Variants in EVC observed in about 807,000 individuals in gnomAD.
EVC encodes EvC ciliary complex subunit 1.
In EVC, 116 loss-of-function variants were observed where a neutral mutation model predicts 118.9. The ratio of observed to expected loss-of-function variants is 0.98; its 90% CI spans 0.84 to 1.14. EVC has a LOEUF of 1.14. Ranked by LOEUF, EVC falls within the 50% of genes most tolerant of loss-of-function variation. The pLI, the probability that EVC is intolerant of heterozygous loss-of-function variation, is 0.00. For missense variants in EVC, 1,401 were observed against 1,246.4 expected (o/e 1.12, Z -1.87); for synonymous variants, 619 against 534.7 (o/e 1.16, Z -2.18).
chr4:5,821,962 G>A, the EVC span: 1 of 845,480 alleles, frequency 1.2e-6, no homozygotes, highest in Non-Finnish European at 1.7e-6. The surrounding 1 kb of genome is among the most constrained non-coding windows in gnomAD (Gnocchi z 4.4). Context: ...CCTTCATTCA[G>A]GGCTCAGTCC....
intron 18 of EVC, 102 bp from the exon 19 acceptor site, chr4:5,809,416 T>C: frequency 1.9e-6 from 2 of 1,026,790 alleles, no homozygotes; most frequent in Non-Finnish European, 3.1e-6. Context: ...AGACGTGGTC[T>C]TCAGTGGCCA....
chr4:5,828,955 G>C, the EVC span, among the ~76,000 whole-genome samples: 1 of 152,058 alleles, frequency 6.6e-6, no homozygotes, highest in Admixed American at 6.5e-5. Context: ...ATGCAATGTG[G>C]CTGCTTTGAC....
At chr4:5,799,833 T>G (rs1372042647) in intron 15 of EVC, among the ~76,000 whole-genome samples, 1 of 152,170 alleles carries the variant, frequency 6.6e-6, no homozygotes, top group Non-Finnish European at 1.5e-5. Context: ...CACATCTGCC[T>G]CAGATTATCC....
Position 5,804,899 on chromosome 4 carries a change from A to G in EVC, c.2561+58A>G, listed in dbSNP as rs1395670377. On this transcript the variant is annotated intron_variant, in intron 17 of 20. Transcript: ENST00000264956. ...GTTCTCTACCCCATTCACATGGCAT[A>G]TCTCTCTGTGGTGCCGTCAGCAGGT... 6.9e-6 allele frequency: 10 copies of G among 1,445,944 alleles called. No individual in the cohort carries two copies. The Admixed American group carries it at 1.3e-4, about 19-fold the overall frequency. The allele number at this position is 1,445,944 out of a possible 1,614,324, so 89.6% of individuals were successfully genotyped here. A position where few individuals can be genotyped will look rare whatever the true frequency, so the allele number is the denominator to read the frequency against.
chr4:5,773,126 A>G (rs1734236133), intron 11 of EVC, among the ~76,000 whole-genome samples: 1 of 152,162 alleles, frequency 6.6e-6, no homozygotes, highest in Non-Finnish European at 1.5e-5. Flanking sequence ...GCCAGGAGAC[A>G]TTTGCAAAAT....
chr4:5,828,625 G>A, the EVC span: 123 of 1,614,222 alleles, frequency 7.6e-5, no homozygotes, highest in African/African-American at 1.4e-3. Flanking sequence ...CACTAGTGGG[G>A]AGCCGTGGCA....
Position 5,755,025 on chromosome 4 carries a change from C to G in EVC, c.1464+1092C>G, listed in dbSNP as rs984954008. ...GCAGTGAGAAGCCAATGGAGGGGTC[C>G]CCCGAGAACAGAGGACAGGCCTCTA... On this transcript the variant is annotated intron_variant, in intron 10 of 20. Coordinates refer to ENST00000264956, the MANE Select transcript of EVC (RefSeq NM_153717.3). The surrounding 1 kb of genome is among the most constrained non-coding windows in gnomAD (Gnocchi z 4.1). Among the ~76,000 whole-genome samples the G allele has an allele frequency of 6.6e-6, 1 of 151,990 alleles. No individual in the cohort carries two copies. The highest frequency in any genetic ancestry group is 1.5e-5 in the Non-Finnish European group (1 of 67,992).
At chr4:5,825,605 C>G in the EVC span, 1 of 1,602,934 alleles carries the variant, frequency 6.2e-7, no homozygotes, top group South Asian at 1.1e-5. The surrounding 1 kb of genome is among the most constrained non-coding windows in gnomAD (Gnocchi z 4.4). Flanking sequence ...GTAGCTGGTA[C>G]CTCGTACACA....
intron 11 of EVC, among the ~76,000 whole-genome samples, chr4:5,766,668 T>C: frequency 7.1e-6 from 1 of 140,984 alleles, no homozygotes; most frequent in African/African-American, 2.7e-5. Context: ...CTTCCATCGC[T>C]GATACCCTTT....
chr4:5,794,471 A>G (rs866470157), intron 13 of EVC, among the ~76,000 whole-genome samples: 39 of 150,006 alleles, frequency 2.6e-4, no homozygotes, highest in African/African-American at 9.0e-4. Context: ...CAGTGGTGCA[A>G]TCTTGGCTCA....
At position 5,741,706 on chromosome 4, in the gene EVC, T is replaced by A; in HGVS notation, c.703-10T>A. ...CTTTTCTTTTGTTATCTTTCCTTTC[T>A]TGGCAATAGATGTTTATTCAGATTT... is the stretch of plus-strand genomic sequence containing the variant. On this transcript the variant is annotated splice_polypyrimidine_tract_variant and intron_variant, in intron 5 of 20. Transcript: ENST00000264956. 1 of 1,511,448 alleles carries A rather than the reference T, an allele frequency of 6.6e-7. No individual in the cohort carries two copies. Among genetic ancestry groups the A allele is most frequent in the African/African-American group, 1.4e-5 (1 of 73,128 alleles). 93.6% of individuals were successfully genotyped at this position (1,511,448 alleles called of 1,614,324 possible). A position where few individuals can be genotyped will look rare whatever the true frequency, so the allele number is the denominator to read the frequency against.
intron 5 of EVC, among the ~76,000 whole-genome samples, chr4:5,740,414 T>C (rs1728341674): frequency 1.4e-5 from 2 of 146,688 alleles, no homozygotes; most frequent in South Asian, 4.3e-4. Flanking sequence ...AAGGTTGCAG[T>C]GAGCCAAGAT....
rs1577439719 is a variant in EVC at position 5,752,896 on chromosome 4, C to T, written c.1159C>T (p.Leu387=). The change falls in exon 9 of 21, where the codon CTG becomes TTG. Residue 387 remains leucine, a synonymous_variant. Coordinates refer to ENST00000264956, the MANE Select transcript of EVC (RefSeq NM_153717.3). ...HMAKVIEFLK[L]QVQEETRCRL... Reference sequence around the variant, plus strand: ...GGCAAAAGTGATTGAGTTTCTGAAGCTGCAAGTCCAGGAGGAGACCAGGTG... The same window carrying T: ...GGCAAAAGTGATTGAGTTTCTGAAGTTGCAAGTCCAGGAGGAGACCAGGTG... 1 of 1,614,224 alleles carries T rather than the reference C, an allele frequency of 6.2e-7. No homozygotes were observed. The highest frequency in any genetic ancestry group is 1.3e-5 in the African/African-American group (1 of 75,070).
chr4:5,818,240 T>C (rs10937680), downstream of EVC, among the ~76,000 whole-genome samples: 123,867 of 152,134 alleles, frequency 0.81, 50,626 homozygotes, highest in East Asian at 1. Context: ...TGTGAAGTTC[T>C]AGCCACGTGG....
intron 5 of EVC, among the ~76,000 whole-genome samples, chr4:5,740,534 C>T (rs954884326): frequency 2.7e-5 from 4 of 150,642 alleles, no homozygotes; most frequent in African/African-American, 9.8e-5. Flanking sequence ...TAGACCTAGG[C>T]AAAGAGTTTT....
intron 9 of EVC, 52 bp from the exon 10 acceptor site, chr4:5,753,733 A>G (rs1480256132): frequency 6.2e-7 from 1 of 1,613,274 alleles, no homozygotes; most frequent in African/African-American, 1.3e-5. Context: ...GTCCCCACTG[A>G]AATTCTGGCT....
intron 11 of EVC, among the ~76,000 whole-genome samples, chr4:5,775,482 T>C (rs1418718653): frequency 6.6e-6 from 1 of 152,152 alleles, no homozygotes; most frequent in Admixed American, 6.5e-5. Context: ...GAGCACATCC[T>C]GGACATTGTT....
At chr4:5,717,752 T>C (rs1487216230) in intron 1 of EVC, among the ~76,000 whole-genome samples, 6 of 152,248 alleles carry the variant, frequency 3.9e-5, no homozygotes, top group South Asian at 4.1e-4. Context: ...TGGCCTCACT[T>C]CTTTTAAGTT....
intron 11 of EVC, among the ~76,000 whole-genome samples, chr4:5,770,153 G>T (rs936398834): frequency 6.6e-6 from 1 of 152,098 alleles, no homozygotes; most frequent in Admixed American, 6.5e-5. Flanking sequence ...TATGTGACAA[G>T]GCACACAGAG....
Sources: gnomAD v4.1 joint callset for allele counts (sites outside exome capture counted in the v4.1 genomes callset) on GRCh38, gnomAD v4.1.1 for gene constraint, Gnocchi (gnomAD v3.1) non-coding constraint, MANE v1.5 for transcripts, NCBI Gene and HGNC (gene_info 2026-07-23, HGNC 2026-07-21) for gene names.